PITRM1: variants seen among roughly 807,000 people sequenced by gnomAD.
PITRM1 encodes presequence protease, mitochondrial.
Under a neutral mutation model 129.9 loss-of-function variants are expected in PITRM1, and 100 were observed. That is an observed-to-expected ratio of 0.77 (90% confidence interval 0.65 to 0.91). The LOEUF is 0.91. PITRM1 is among the 40% of genes least tolerant of loss of function. PITRM1 has a pLI of 0.00. For missense variants in PITRM1, 1,471 were observed against 1,318.3 expected (o/e 1.12, Z -1.79); for synonymous variants, 591 against 508.8 (o/e 1.16, Z -2.17).
chr10:3,141,057 A>G (rs1840141488), intron 23 of PITRM1, among the ~76,000 whole-genome samples: 1 of 151,956 alleles, frequency 6.6e-6, no homozygotes, highest in Non-Finnish European at 1.5e-5. Flanking sequence ...TCCTCCCACA[A>G]CAGCCTCCTG....
chr10:3,156,349 A>G lies in PITRM1; in HGVS notation c.1482+581T>C, dbSNP rs1841985011. 2.0e-5 allele frequency among the ~76,000 whole-genome samples: 3 copies of G among 152,270 alleles called. No individual in the cohort carries two copies. The South Asian group carries it at 6.2e-4, about 31-fold the overall frequency. ...ATAACTAGAAGACACCAGAAAGTTC[A>G]TGGAAAATAACTTACAACAGCTGAG... On this transcript the variant is annotated intron_variant, in intron 13 of 26. Transcript: ENST00000224949.
At chr10:3,163,682 A>G (rs746485369) in intron 7 of PITRM1, 43 bp downstream of exon 7, 8 of 1,536,000 alleles carry the variant, frequency 5.2e-6, no homozygotes, top group Middle Eastern at 1.7e-4. Flanking sequence ...AAACAAGTCA[A>G]CTTTTCACAA....
intron 25 of PITRM1, 35 bp from the exon 26 acceptor site, chr10:3,138,372 G>A (rs750278687): frequency 4.8e-6 from 7 of 1,460,708 alleles, no homozygotes; most frequent in Middle Eastern, 1.8e-4. Flanking sequence ...TGGAGCCGCT[G>A]CCCGGGAGCT....
At chr10:3,153,651 C>A (rs938905099) in intron 14 of PITRM1, among the ~76,000 whole-genome samples, 6 of 151,654 alleles carry the variant, frequency 4.0e-5, no homozygotes, top group East Asian at 1.9e-4. Context: ...CAAAAAAAAA[C>A]CAGTTGTCTC....
chr10:3,146,140 C>G (rs530874020), intron 20 of PITRM1: 1 of 167,186 alleles, frequency 6.0e-6, no homozygotes, highest in Non-Finnish European at 1.3e-5. Flanking sequence ...CAAAAAAATA[C>G]CATGCTCTCA....
At chr10:3,154,249 T>TAAGGC (rs544414068) in intron 14 of PITRM1, among the ~76,000 whole-genome samples, 20 of 152,342 alleles carry the variant, frequency 1.3e-4, no homozygotes, top group African/African-American at 4.8e-4. Flanking sequence ...TGTAAGGATG[T>TAAGGC]ATATGTTGAT....
At chr10:3,148,835 G>A (rs1260080602) in intron 16 of PITRM1, 1 of 152,750 alleles carries the variant, frequency 6.5e-6, no homozygotes, top group Non-Finnish European at 1.5e-5. Context: ...ATGACCATGA[G>A]GTGTTTTCTA....
chr10:3,157,199 T>G, intron 12 of PITRM1, 135 bp from the exon 13 acceptor site: 1 of 885,472 alleles, frequency 1.1e-6, no homozygotes, highest in South Asian at 2.0e-5. Context: ...ACAAAAGTCA[T>G]GTAATTCTTT....
Position 3,170,260 on chromosome 10 carries a change from C to CATT in PITRM1, c.57-57_57-55dup, listed in dbSNP as rs1336265084. 5.4e-6 allele frequency: 7 copies of CATT among 1,287,462 alleles called. No individual in the cohort carries two copies. The African/African-American group carries it at 7.3e-5, about 13-fold the overall frequency. The allele number at this position is 1,287,462 out of a possible 1,614,324, so 79.8% of individuals were successfully genotyped here. On this transcript the variant is annotated intron_variant, in intron 1 of 26. Transcript: ENST00000224949. ...AGTTGCAGGAAAAGTATCTGGCTAACATTATTCAGCCACATAGTGAAAATA... is the reference window on the plus strand; with the variant it reads ...AGTTGCAGGAAAAGTATCTGGCTAACATTATTATTCAGCCACATAGTGAAAATA...
intron 7 of PITRM1, among the ~76,000 whole-genome samples, chr10:3,162,810 C>T (rs1422546247): frequency 6.6e-6 from 1 of 152,238 alleles, no homozygotes; most frequent in East Asian, 1.9e-4. Flanking sequence ...CCTCTGCCGT[C>T]CCCTAGAGGG....
intron 14 of PITRM1, 86 bp downstream of exon 14, chr10:3,155,505 C>A: frequency 6.5e-7 from 1 of 1,530,284 alleles, no homozygotes; most frequent in South Asian, 1.2e-5. Context: ...TGAAATAATA[C>A]CTGCCTCCAA....
intron 19 of PITRM1, 129 bp downstream of exon 19, chr10:3,147,443 C>T: frequency 2.6e-6 from 3 of 1,160,574 alleles, no homozygotes; most frequent in South Asian, 2.6e-5. Flanking sequence ...CCAACCAATT[C>T]TTCCCCATAT....
At chr10:3,155,551 G>A (rs1841903909) in intron 14 of PITRM1, 40 bp downstream of exon 14, 1 of 1,610,582 alleles carries the variant, frequency 6.2e-7, no homozygotes, top group Non-Finnish European at 8.5e-7. Flanking sequence ...AGGCCCGAGT[G>A]CAGGTTAGGG....
intron 14 of PITRM1, among the ~76,000 whole-genome samples, chr10:3,153,812 A>C (rs868207553): frequency 6.6e-6 from 1 of 152,324 alleles, no homozygotes; most frequent in African/African-American, 2.4e-5. Flanking sequence ...CAAGCCTGAC[A>C]ATTTCTCACA....
chr10:3,153,365 T>C lies in PITRM1; in HGVS notation c.1622-2002A>G, dbSNP rs112975714. ...ATAATTTCAATTAAAAGCGGGAAGA[T>C]TGGAGCTTGTCACAAAACAGAGCTT... On this transcript the variant is annotated intron_variant, in intron 14 of 26. Transcript: ENST00000224949. 9.0e-3 allele frequency among the ~76,000 whole-genome samples: 1,376 copies of C among 152,270 alleles called. 20 individuals are homozygous for C. The highest frequency in any genetic ancestry group is 0.032 in the African/African-American group (1,327 of 41,540).
intron 22 of PITRM1, chr10:3,143,927 AG>A (rs1412688936): frequency 3.9e-6 from 2 of 516,884 alleles, no homozygotes; most frequent in East Asian, 8.1e-5. Flanking sequence ...AGTCGCGGAA[AG>A]GATCTGTCAG....
Position 3,147,625 on chromosome 10 carries a change from G to T in PITRM1, c.2182C>A (p.Arg728=), listed in dbSNP as rs570447323. The change falls in exon 19 of 27, where the codon CGG becomes AGG. Residue 728 remains arginine (R), a synonymous_variant. Coordinates refer to ENST00000224949, the MANE Select transcript of PITRM1 (RefSeq NM_014889.4). ...GHLYASIRAG[R]TLTPAGDLQE... ...AGGTCCCCTGCGGGCGTGAGGGTCC[G>T]GCCTGCCCTGATGGATGCGTACAGG... 2.5e-6 allele frequency: 4 copies of T among 1,614,006 alleles called. No homozygotes were observed. In the South Asian group the frequency reaches 3.3e-5, roughly 13 times the overall value.
At chr10:3,166,715 T>C (rs1842896319) in intron 3 of PITRM1, among the ~76,000 whole-genome samples, 1 of 152,210 alleles carries the variant, frequency 6.6e-6, no homozygotes, top group African/African-American at 2.4e-5. Context: ...TCAGGATGGC[T>C]TGAAATGCAG....
intron 24 of PITRM1, among the ~76,000 whole-genome samples, chr10:3,139,912 G>A (rs981434079): frequency 2.4e-4 from 36 of 152,304 alleles, no homozygotes; most frequent in Middle Eastern, 3.4e-3. Flanking sequence ...CAGTAACGGT[G>A]TTATGTTTAT....
Sources: gnomAD v4.1 joint callset for allele counts (sites outside exome capture counted in the v4.1 genomes callset) on GRCh38, gnomAD v4.1.1 for gene constraint, MANE v1.5 for transcripts, NCBI Gene and HGNC (gene_info 2026-07-23, HGNC 2026-07-21) for gene names.